Variants in AUTS2 observed in about 807,000 individuals in gnomAD.
AUTS2 encodes autism susceptibility gene 2 protein.
In AUTS2, 17 loss-of-function variants were observed where a neutral mutation model predicts 112.4. The ratio of observed to expected loss-of-function variants is 0.15; its 90% CI spans 0.10 to 0.23. AUTS2 has a LOEUF of 0.23. Ranked by LOEUF, AUTS2 falls within the 10% of genes least tolerant of loss-of-function variation. AUTS2 has a pLI of 1.00. For synonymous variants in AUTS2, 751 were observed against 702.7 expected, an observed-to-expected ratio of 1.07 and a Z score of -1.09; for missense variants, 1,510 against 1,701.6, an observed-to-expected ratio of 0.89 and a Z score of 1.98.
At chr7:69,646,185 A>G (rs1330598150) in intron 1 of AUTS2, among the ~76,000 whole-genome samples, 1 of 152,168 alleles carries the variant, frequency 6.6e-6, no homozygotes, top group East Asian at 1.9e-4. Flanking sequence ...TGCTACCTGC[A>G]GTTTCCCAAT....
At chr7:70,582,841 AT>A (rs1018990501) in intron 5 of AUTS2, among the ~76,000 whole-genome samples, 5 of 152,144 alleles carry the variant, frequency 3.3e-5, no homozygotes, top group Admixed American at 6.5e-5. Flanking sequence ...TTTAAAAAAA[AT>A]GTGTTGTATA....
chr7:69,632,632 C>A (rs74588499), intron 1 of AUTS2, among the ~76,000 whole-genome samples: 2,250 of 140,080 alleles, frequency 0.016, 55 homozygotes, highest in African/African-American at 0.052. Flanking sequence ...TGTTTTCTTT[C>A]TCTTTCCTTT....
intron 1 of AUTS2, among the ~76,000 whole-genome samples, chr7:69,736,953 C>T (rs1370406129): frequency 6.6e-6 from 1 of 152,142 alleles, no homozygotes; most frequent in Non-Finnish European, 1.5e-5. Flanking sequence ...AAGTCCAGGA[C>T]ATTTCACATT....
At chr7:69,827,709 G>C (rs1280826715) in intron 1 of AUTS2, among the ~76,000 whole-genome samples, 2 of 152,182 alleles carry the variant, frequency 1.3e-5, no homozygotes, top group Non-Finnish European at 2.9e-5. Context: ...GGCATCAGAA[G>C]GGGCATTTAA....
intron 4 of AUTS2, among the ~76,000 whole-genome samples, chr7:70,163,360 A>AGGGGGGGGGGG (rs1562753323): frequency 1.2e-3 from 3 of 2,462 alleles, no homozygotes; most frequent in Non-Finnish European, 3.4e-3. Flanking sequence ...GGGGGGGGGC[A>AGGGGGGGGGGG]GAGGGGGAGG....
chr7:70,052,477 A>G (rs1206121203), intron 2 of AUTS2, among the ~76,000 whole-genome samples: 1 of 152,220 alleles, frequency 6.6e-6, no homozygotes, highest in Non-Finnish European at 1.5e-5. Flanking sequence ...CCAGTCATAT[A>G]TATTCACGGT....
At position 69,899,215 on chromosome 7, in the gene AUTS2, C is replaced by G; in HGVS notation, c.310-71C>G. On this transcript the variant is annotated intron_variant, in intron 1 of 18. Coordinates refer to ENST00000342771, the MANE Select transcript of AUTS2 (RefSeq NM_015570.4). Reference sequence around the variant, plus strand: ...AGTAGTAACACCCTTTAGTATTTAGCCTATATTTTGGGTGTGACCCTAGAT... The same window carrying G: ...AGTAGTAACACCCTTTAGTATTTAGGCTATATTTTGGGTGTGACCCTAGAT... The G allele has an allele frequency of 2.6e-6, 3 of 1,143,664 alleles. No individual in the cohort carries two copies. The Admixed American group carries it at 5.3e-5, about 20-fold the overall frequency. 70.8% of individuals were successfully genotyped at this position (1,143,664 alleles called of 1,614,324 possible).
chr7:70,434,760 G>T (rs754195225), intron 4 of AUTS2, among the ~76,000 whole-genome samples: 1 of 152,132 alleles, frequency 6.6e-6, no homozygotes, highest in East Asian at 1.9e-4. Flanking sequence ...ACTGCTAAAC[G>T]GAAGGCTCCT....
chr7:70,685,446 C>T (rs533186942), intron 5 of AUTS2, among the ~76,000 whole-genome samples: 1 of 138,774 alleles, frequency 7.2e-6, no homozygotes, highest in African/African-American at 2.8e-5. Context: ...ACACCCCAGC[C>T]TGAGTGACAG....
chr7:70,495,578 C>T, intron 5 of AUTS2, among the ~76,000 whole-genome samples: 1 of 151,724 alleles, frequency 6.6e-6, no homozygotes, highest in Non-Finnish European at 1.5e-5. Context: ...GTCACATCAG[C>T]ATCAATCACA....
intron 5 of AUTS2, among the ~76,000 whole-genome samples, chr7:70,589,736 A>T (rs1235427910): frequency 2.0e-5 from 3 of 152,106 alleles, no homozygotes; most frequent in African/African-American, 7.2e-5. Context: ...GAAAAGAAAG[A>T]AAGTCGTGGG....
chr7:69,618,472 T>TA lies in AUTS2; in HGVS notation c.309+18511dup, dbSNP rs1168549095. 2.0e-5 allele frequency among the ~76,000 whole-genome samples: 3 copies of TA among 152,270 alleles called. No homozygotes were observed. In the East Asian group the frequency reaches 5.8e-4, roughly 29 times the overall value. On this transcript the variant is annotated intron_variant, in intron 1 of 18. Transcript: ENST00000342771. ...TTTCAAGACCTGCATGAGAGTGTGT[T>TA]ACGGAATACAGGCCAGTGTTTTCAA... is the stretch of plus-strand genomic sequence containing the variant.
chr7:70,510,148 T>C (rs1799123145), intron 5 of AUTS2, among the ~76,000 whole-genome samples: 1 of 152,192 alleles, frequency 6.6e-6, no homozygotes, highest in Admixed American at 6.5e-5. Flanking sequence ...CCTGGGGCCT[T>C]GCTTCCTCCT....
At chr7:70,629,190 G>T (rs1805126263) in intron 5 of AUTS2, among the ~76,000 whole-genome samples, 1 of 152,152 alleles carries the variant, frequency 6.6e-6, no homozygotes, top group South Asian at 2.1e-4. Flanking sequence ...ACACAGCTAG[G>T]CCAGGCATGG....
intron 5 of AUTS2, among the ~76,000 whole-genome samples, chr7:70,670,292 G>A (rs1400403268): frequency 6.6e-6 from 1 of 152,144 alleles, no homozygotes. Context: ...AATGATTATT[G>A]TTATTACTTC....
chr7:70,532,500 A>G (rs146353120), intron 5 of AUTS2, among the ~76,000 whole-genome samples: 1 of 152,300 alleles, frequency 6.6e-6, no homozygotes, highest in African/African-American at 2.4e-5. Flanking sequence ...TTAGCTGATA[A>G]CTGAGAACAG....
chr7:70,101,728 TA>T (rs1804507688), intron 2 of AUTS2, among the ~76,000 whole-genome samples: 1 of 151,690 alleles, frequency 6.6e-6, no homozygotes, highest in Non-Finnish European at 1.5e-5. Flanking sequence ...GAAATAAAAA[TA>T]AAAAGGTAGA....
chr7:69,739,263 A>G (rs1457788445), intron 1 of AUTS2, among the ~76,000 whole-genome samples: 2 of 152,148 alleles, frequency 1.3e-5, no homozygotes, highest in Non-Finnish European at 2.9e-5. Context: ...TCTCTCCCCC[A>G]TTAGTTTTAA....
intron 2 of AUTS2, among the ~76,000 whole-genome samples, chr7:69,942,560 G>A (rs905688065): frequency 3.9e-5 from 6 of 152,064 alleles, no homozygotes; most frequent in Non-Finnish European, 8.8e-5. Context: ...AAGAAAGCCC[G>A]CTATTAAATA....
Sources: gnomAD v4.1 joint callset for allele counts (sites outside exome capture counted in the v4.1 genomes callset) on GRCh38, gnomAD v4.1.1 for gene constraint, MANE v1.5 for transcripts, NCBI Gene and HGNC (gene_info 2026-07-23, HGNC 2026-07-21) for gene names.